Variants in NXPE3 observed in about 807,000 individuals in gnomAD.
NXPE3 encodes the protein NXPE family member 3.
A neutral mutation model predicts 46.1 loss-of-function variants in NXPE3; 26 were observed. The ratio of observed to expected loss-of-function variants is 0.56; its 90% CI spans 0.41 to 0.78. The LOEUF (loss-of-function observed/expected upper bound fraction) is 0.78. NXPE3 is among the 30% of genes least tolerant of loss of function. The probability of loss-of-function intolerance (pLI) is 0.00; values close to 1 mark genes in which losing one functional copy is unlikely to be tolerated. For missense variants in NXPE3, 620 were observed against 686.0 expected (o/e 0.90, Z 1.07); for synonymous variants, 272 against 257.9 (o/e 1.05, Z -0.52).
Position 101,824,398 on chromosome 3 carries a change from T to C in NXPE3, c.*2444T>C, listed in dbSNP as rs530644281. 6.6e-6 allele frequency: 1 copy of C among 152,212 alleles called. No homozygotes were observed. The highest frequency in any genetic ancestry group is 1.5e-5 in the Non-Finnish European group (1 of 68,058). 9.4% of individuals were successfully genotyped at this position (152,212 alleles called of 1,614,324 possible). On this transcript the variant is annotated 3_prime_UTR_variant, in exon 8 of 8. Transcript: ENST00000273347. Reference sequence around the variant, plus strand: ...GAAATAAGGTATGTGAGAGTCCATATCTCTTTTCAGCTAAACTTGTGAGAC... The same window carrying C: ...GAAATAAGGTATGTGAGAGTCCATACCTCTTTTCAGCTAAACTTGTGAGAC...
chr3:101,801,012 G>T (rs761259669), intron 4 of NXPE3, among the ~76,000 whole-genome samples: 1 of 152,086 alleles, frequency 6.6e-6, no homozygotes, highest in Admixed American at 6.6e-5. Context: ...TTGAGGGGCA[G>T]CTTTGTTAAG....
rs1313531702 is a variant in NXPE3 at position 101,814,240 on chromosome 3, A to G, written c.923-2555A>G. On this transcript the variant is annotated intron_variant, in intron 6 of 7. Transcript: ENST00000273347. ...GTGTCGTCTCTGGAGCTCTCTAACTATGCAGCCTCGATGTACTGATATAAT... is the reference window on the plus strand; with the variant it reads ...GTGTCGTCTCTGGAGCTCTCTAACTGTGCAGCCTCGATGTACTGATATAAT... Among the ~76,000 whole-genome samples, 3 of 152,222 alleles carry G rather than the reference A, an allele frequency of 2.0e-5. No homozygotes were observed. The South Asian group carries it at 6.2e-4, about 31-fold the overall frequency.
chr3:101,818,840 A>C (rs896896639), intron 7 of NXPE3, among the ~76,000 whole-genome samples: 19 of 132,176 alleles, frequency 1.4e-4, no homozygotes, highest in African/African-American at 5.3e-4. Context: ...ATCTCTACTC[A>C]CTAAAACCTC....
At chr3:101,788,701 C>T (rs1940332313) in intron 4 of NXPE3, among the ~76,000 whole-genome samples, 1 of 152,120 alleles carries the variant, frequency 6.6e-6, no homozygotes, top group Non-Finnish European at 1.5e-5. Flanking sequence ...CTGCAACCTC[C>T]TCCTCCCAGA....
rs574566158 is a variant in NXPE3, at chr3:101,822,791, T to G, written c.*837T>G. The G allele has an allele frequency of 6.6e-6, 1 of 152,138 alleles. No individual in the cohort carries two copies. The highest frequency in any genetic ancestry group is 6.5e-5 in the Admixed American group (1 of 15,300). 9.4% of individuals were successfully genotyped at this position (152,138 alleles called of 1,614,324 possible). A position where few individuals can be genotyped will look rare whatever the true frequency, so the allele number is the denominator to read the frequency against. ...GAATTGACTTTTGTGTAAAGAATGC[T>G]ACGATATTATAAAGCTGTGGAAGTT... On this transcript the variant is annotated 3_prime_UTR_variant, in exon 8 of 8. Transcript: ENST00000273347.
intron 4 of NXPE3, 91 bp downstream of exon 4, chr3:101,785,780 A>C (rs2625289): frequency 0.92 from 904,102 of 984,438 alleles, 415,929 homozygotes; most frequent in East Asian, 1. Context: ...TTATCGGAAG[A>C]TTATCGTAGT....
chr3:101,813,480 A>G (rs1032797873), intron 6 of NXPE3, among the ~76,000 whole-genome samples: 3 of 152,146 alleles, frequency 2.0e-5, no homozygotes, highest in African/African-American at 7.2e-5. Flanking sequence ...GACAGCCCTC[A>G]TTATGGCTAA....
At chr3:101,802,322 A>G (rs919801042) in intron 5 of NXPE3, among the ~76,000 whole-genome samples, 2 of 148,350 alleles carry the variant, frequency 1.3e-5, no homozygotes, top group African/African-American at 4.9e-5. Flanking sequence ...CAGAACAGAT[A>G]GAAGTTATCT....
At chr3:101,803,846 C>G (rs767205924) in intron 5 of NXPE3, among the ~76,000 whole-genome samples, 2 of 152,218 alleles carry the variant, frequency 1.3e-5, no homozygotes, top group Non-Finnish European at 2.9e-5. Context: ...TCTTGAACCC[C>G]TGGGCTCAAG....
chr3:101,792,191 A>C (rs1940558160), intron 4 of NXPE3, among the ~76,000 whole-genome samples: 1 of 152,030 alleles, frequency 6.6e-6, no homozygotes, highest in African/African-American at 2.4e-5. Context: ...GTTTGCAAAT[A>C]TTTTCTACCA....
Position 101,821,680 on chromosome 3 carries a change from G to A in NXPE3, c.1406G>A (p.Arg469Gln), listed in dbSNP as rs765398777. The change falls in exon 8 of 8, where the codon CGG (arginine) becomes CAG (glutamine). Residue 469 changes from arginine to glutamine, a missense_variant. Around this residue, in one of 3 missense-constraint regions of NXPE3, gnomAD observed 75 missense variants for 121.1 expected, o/e 0.62. Coordinates refer to ENST00000273347, the MANE Select transcript of NXPE3 (RefSeq NM_145037.4). ...RLRNIRRAVV[R>Q]LLDRSPKTVV... ...AGGAACATCCGTCGAGCAGTGGTTC[G>A]GCTCCTCGATCGAAGCCCAAAGACC... The A allele has an allele frequency of 6.2e-7, 1 of 1,614,158 alleles. No homozygotes were observed. Among genetic ancestry groups the A allele is most frequent in the Non-Finnish European group, 8.5e-7 (1 of 1,180,026 alleles).
intron 6 of NXPE3, among the ~76,000 whole-genome samples, chr3:101,816,433 C>G (rs898719047): frequency 2.6e-5 from 4 of 152,084 alleles, no homozygotes; most frequent in Admixed American, 2.0e-4. Context: ...CCCCCAACCC[C>G]CCGACAGGCC....
At chr3:101,803,383 A>T (rs542637694) in intron 5 of NXPE3, among the ~76,000 whole-genome samples, 1 of 152,188 alleles carries the variant, frequency 6.6e-6, no homozygotes, top group Non-Finnish European at 1.5e-5. Context: ...GCACTACTCA[A>T]TGTACAGTGT....
Position 101,823,420 on chromosome 3 carries a change from A to G in NXPE3, c.*1466A>G, listed in dbSNP as rs1256798394. The G allele has an allele frequency of 6.6e-6, 1 of 152,164 alleles. No individual in the cohort carries two copies. The highest frequency in any genetic ancestry group is 1.5e-5 in the Non-Finnish European group (1 of 68,030). 9.4% of individuals were successfully genotyped at this position (152,164 alleles called of 1,614,324 possible). On this transcript the variant is annotated 3_prime_UTR_variant, in exon 8 of 8. Coordinates refer to ENST00000273347, the MANE Select transcript of NXPE3 (RefSeq NM_145037.4). ...AAATATATTAAAATAGTTTAATTTT[A>G]ATGGTCCTTACGCTTTACAGTACCT...
At chr3:101,808,822 T>TAGATATATATATAG (rs1341404056) in intron 6 of NXPE3, among the ~76,000 whole-genome samples, 2 of 84,044 alleles carry the variant, frequency 2.4e-5, no homozygotes, top group Non-Finnish European at 2.4e-5. Flanking sequence ...TTAGAGGATA[T>TAGATATATATATAG]ATATATATAT....
rs1942439585 is a variant in NXPE3 at position 101,825,205 on chromosome 3, C to A, written c.*3251C>A. 1 of 152,174 alleles carries A rather than the reference C, an allele frequency of 6.6e-6. No homozygotes were observed. Among genetic ancestry groups the A allele is most frequent in the African/African-American group, 2.4e-5 (1 of 41,436 alleles). 9.4% of individuals were successfully genotyped at this position (152,174 alleles called of 1,614,324 possible). A position where few individuals can be genotyped will look rare whatever the true frequency, so the allele number is the denominator to read the frequency against. ...GTGTGTGTTGTTGCCCTTTATGTGT[C>A]CATGTGTTCTCATCATTTAGCTCTC... is the stretch of plus-strand genomic sequence containing the variant. On this transcript the variant is annotated 3_prime_UTR_variant, in exon 8 of 8. Coordinates refer to ENST00000273347, the MANE Select transcript of NXPE3 (RefSeq NM_145037.4).
At position 101,821,999 on chromosome 3, in the gene NXPE3, C is replaced by T. The variant is rs760960327; in HGVS notation, c.*45C>T. ...GAGGAATCATATTCAATGACCTTCT[C>T]AATTGACCTGAGTTACAGAAAGTGG... On this transcript the variant is annotated 3_prime_UTR_variant, in exon 8 of 8. Transcript: ENST00000273347. 4.5e-6 allele frequency: 7 copies of T among 1,555,102 alleles called. No individual in the cohort carries two copies. The Admixed American group carries it at 1.1e-4, about 23-fold the overall frequency.
chr3:101,817,075 TG>T, intron 7 of NXPE3, 74 bp downstream of exon 7: 1 of 1,284,444 alleles, frequency 7.8e-7, no homozygotes, highest in Non-Finnish European at 1.1e-6. Flanking sequence ...CTCAGGTGCC[TG>T]AAGAAAGGTT....
At chr3:101,787,179 A>G (rs992232123) in intron 4 of NXPE3, among the ~76,000 whole-genome samples, 4 of 152,070 alleles carry the variant, frequency 2.6e-5, no homozygotes, top group Admixed American at 2.0e-4. Context: ...AATCCAAAAA[A>G]CAATGATTAC....
Sources: gnomAD v4.1 joint callset for allele counts (sites outside exome capture counted in the v4.1 genomes callset) on GRCh38, gnomAD v4.1.1 for gene constraint, gnomAD v4.1.1 regional missense constraint, MANE v1.5 for transcripts, NCBI Gene and HGNC (gene_info 2026-07-23, HGNC 2026-07-21) for gene names.